Variants in ZNF420 observed in about 807,000 individuals in gnomAD.
ZNF420 encodes ATM and p53-associated KZNF protein.
ZNF420 carries 31 observed loss-of-function variants against 44.7 expected under a neutral mutation model. The ratio of observed to expected loss-of-function variants is 0.69; its 90% CI spans 0.52 to 0.94. The LOEUF (loss-of-function observed/expected upper bound fraction) is 0.94. Ranked by LOEUF, ZNF420 falls within the 40% of genes least tolerant of loss-of-function variation. The pLI is 0.00. For missense variants in ZNF420, 681 were observed against 827.9 expected, an observed-to-expected ratio of 0.82 and a Z score of 2.18; for synonymous variants, 245 against 267.4, an observed-to-expected ratio of 0.92 and a Z score of 0.82.
intron 1 of ZNF420, among the ~76,000 whole-genome samples, chr19:37,049,215 G>C (rs1422433137): frequency 2.0e-5 from 3 of 152,128 alleles, no homozygotes; most frequent in Non-Finnish European, 4.4e-5. Flanking sequence ...GATTTCTAAT[G>C]CTTTGGGTAT....
At chr19:37,059,382 G>T (rs1332509683) in intron 1 of ZNF420, among the ~76,000 whole-genome samples, 1 of 152,250 alleles carries the variant, frequency 6.6e-6, no homozygotes, top group Non-Finnish European at 1.5e-5. Flanking sequence ...CATGCGCGAG[G>T]CGCGAGCGGA....
At chr19:37,083,620 C>G (rs1968595468) in intron 2 of ZNF420, among the ~76,000 whole-genome samples, 1 of 152,188 alleles carries the variant, frequency 6.6e-6, no homozygotes, top group African/African-American at 2.4e-5. Context: ...GGTTTACCCT[C>G]TCTGATTTGT....
At chr19:37,098,041 G>A (rs1404736669) in intron 4 of ZNF420, among the ~76,000 whole-genome samples, 1 of 152,044 alleles carries the variant, frequency 6.6e-6, no homozygotes, top group Non-Finnish European at 1.5e-5. Flanking sequence ...CCTGATCACA[G>A]CTCACTGCAG....
At chr19:37,053,114 A>G (rs979546715) in intron 1 of ZNF420, among the ~76,000 whole-genome samples, 1 of 151,912 alleles carries the variant, frequency 6.6e-6, no homozygotes, top group Non-Finnish European at 1.5e-5. Context: ...CATTCATTTG[A>G]TCTTCCATCA....
chr19:37,082,145 C>T (rs1428873863), intron 2 of ZNF420, among the ~76,000 whole-genome samples: 1 of 152,016 alleles, frequency 6.6e-6, no homozygotes, highest in Non-Finnish European at 1.5e-5. Flanking sequence ...TTCAATTTGG[C>T]AATCTCCATT....
At chr19:37,021,723 G>A (rs1036532986) in intron 1 of ZNF420, among the ~76,000 whole-genome samples, 4 of 151,652 alleles carry the variant, frequency 2.6e-5, no homozygotes, top group Non-Finnish European at 5.9e-5. Flanking sequence ...GGGATCACGA[G>A]GTCAGGAGTT....
chr19:37,009,926 A>AGCCCCCACTCCCTCGCC (rs2146365303), intron 1 of ZNF420, among the ~76,000 whole-genome samples: 1 of 152,168 alleles, frequency 6.6e-6, no homozygotes, highest in African/African-American at 2.4e-5. Context: ...GGGCGCCCGC[A>AGCCCCCACTCCCTCGCC]GCCCCCACTC....
rs547013080 is a variant in ZNF420 at position 37,056,063 on chromosome 19, C to T, written c.-124-24282C>T. Among the ~76,000 whole-genome samples the T allele has an allele frequency of 2.6e-5, 4 of 152,004 alleles. No homozygotes were observed. The South Asian group carries it at 8.3e-4, about 32-fold the overall frequency. The stretch of plus-strand genomic sequence containing the variant: ...TCTGTGAGTGTGTCTCCCATTCTCT[C>T]TTCTCTCTCTGTCTCTCACTCTCTG... On this transcript the variant is annotated intron_variant, in intron 1 of 4. Coordinates refer to the ZNF420 transcript ENST00000587029.
chr19:37,066,816 G>C (rs1286532151), intron 1 of ZNF420, among the ~76,000 whole-genome samples: 1 of 152,096 alleles, frequency 6.6e-6, no homozygotes, highest in Non-Finnish European at 1.5e-5. Flanking sequence ...AATGAAAACA[G>C]ATGTTCATAA....
intron 1 of ZNF420, among the ~76,000 whole-genome samples, chr19:37,043,583 C>T (rs1967495835): frequency 6.6e-6 from 1 of 152,106 alleles, no homozygotes. Flanking sequence ...AATCTCAGCT[C>T]ATTGCCTCAG....
intron 1 of ZNF420, among the ~76,000 whole-genome samples, chr19:37,052,246 T>C (rs540400620): frequency 1.1e-4 from 17 of 152,270 alleles, no homozygotes; most frequent in South Asian, 2.1e-4. Flanking sequence ...ATTTTGAGCC[T>C]ATGTGTGTCT....
At chr19:37,056,344 C>T (rs930537556) in intron 1 of ZNF420, among the ~76,000 whole-genome samples, 5 of 152,112 alleles carry the variant, frequency 3.3e-5, no homozygotes, top group African/African-American at 9.7e-5. Context: ...CCTGTGCCCC[C>T]CTTCCACCAG....
rs1317508412 is a variant in ZNF420, at chr19:37,090,994, G to T, written c.10-1G>T. 1 of 1,607,564 alleles carries T rather than the reference G, an allele frequency of 6.2e-7. No homozygotes were observed. Among genetic ancestry groups the T allele is most frequent in the East Asian group, 2.2e-5 (1 of 44,844 alleles). ...AATTAACATTTTGTTTGTTGTTTCA[G>T]AAATTAGTGATGTTCAGGGATGTTG... On this transcript the variant is annotated splice_acceptor_variant, in intron 3 of 4. Transcript: ENST00000337995. LOFTEE classifies it high-confidence loss of function.
intron 1 of ZNF420, among the ~76,000 whole-genome samples, chr19:37,061,240 C>G (rs1299720404): frequency 1.3e-5 from 2 of 152,202 alleles, no homozygotes; most frequent in Non-Finnish European, 2.9e-5. Context: ...GCCCCTTTCC[C>G]TGTTTGCACG....
chr19:37,127,743 A>G lies in ZNF420; in HGVS notation c.752A>G (p.Tyr251Cys), dbSNP rs1231726059. 1 of 1,614,060 alleles carries G rather than the reference A, an allele frequency of 6.2e-7. No individual in the cohort carries two copies. Among genetic ancestry groups the G allele is most frequent in the Admixed American group, 1.7e-5 (1 of 60,018 alleles). The stretch of plus-strand genomic sequence containing the variant: ...AAAGTTCATACTGGTGAGAAACCTT[A>G]TGAATGTAAAGAATGTGGGAAGGCC... ...HQKVHTGEKP[Y>C]ECKECGKAFT... The change falls in exon 5 of 5, where the codon TAT (tyrosine) becomes TGT (cysteine). Residue 251 changes from tyrosine to cysteine, a missense_variant. Tyr to Cys is a radical substitution (Grantham distance 194). Coordinates refer to ENST00000337995, the MANE Select transcript of ZNF420 (RefSeq NM_144689.5).
chr19:37,082,111 C>T (rs1968498782), intron 2 of ZNF420, among the ~76,000 whole-genome samples: 1 of 152,062 alleles, frequency 6.6e-6, no homozygotes, highest in Non-Finnish European at 1.5e-5. Context: ...TTACAGGCAG[C>T]ATGTAATTGG....
At chr19:37,122,588 A>G (rs1186743826) in intron 4 of ZNF420, among the ~76,000 whole-genome samples, 1 of 152,130 alleles carries the variant, frequency 6.6e-6, no homozygotes, top group Non-Finnish European at 1.5e-5. Flanking sequence ...CATTGTGCAT[A>G]TGTACCCTAA....
At chr19:37,087,898 G>T (rs1053670237) in intron 2 of ZNF420, among the ~76,000 whole-genome samples, 3 of 152,198 alleles carry the variant, frequency 2.0e-5, no homozygotes, top group Admixed American at 6.5e-5. Context: ...GCCCGCTTCG[G>T]CCTCCCAAAG....
At position 37,118,953 on chromosome 19, in the gene ZNF420, C is replaced by T. The variant is rs185710559; in HGVS notation, c.137-8175C>T. Among the ~76,000 whole-genome samples the T allele has an allele frequency of 1.1e-3, 164 of 152,286 alleles. 1 individual carries two copies. Among genetic ancestry groups the T allele is most frequent in the African/African-American group, 3.7e-3 (154 of 41,548 alleles). On this transcript the variant is annotated intron_variant, in intron 4 of 4. Coordinates refer to ENST00000337995, the MANE Select transcript of ZNF420 (RefSeq NM_144689.5). ...AATATATATGCATCCGATACAGGAGCACCCAGATTCATAAAGCAAGTCCTG... is the reference window on the plus strand; with the variant it reads ...AATATATATGCATCCGATACAGGAGTACCCAGATTCATAAAGCAAGTCCTG...
Sources: gnomAD v4.1 joint callset for allele counts (sites outside exome capture counted in the v4.1 genomes callset) on GRCh38, gnomAD v4.1.1 for gene constraint, MANE v1.5 for transcripts, NCBI Gene and HGNC (gene_info 2026-07-23, HGNC 2026-07-21) for gene names.